CHMP4C: variants seen among roughly 807,000 people sequenced by gnomAD.
The protein encoded by CHMP4C is charged multivesicular body protein 4C.
Under a neutral mutation model 29.0 loss-of-function variants are expected in CHMP4C, and 28 were observed. The observed-to-expected ratio is 0.97, with a 90% CI of 0.72 to 1.32. The LOEUF (loss-of-function observed/expected upper bound fraction) is 1.32. Among genes scored for constraint, CHMP4C ranks in the 40% most tolerant of loss-of-function variants. The pLI, the probability that CHMP4C is intolerant of heterozygous loss-of-function variation, is 0.00. For missense variants in CHMP4C, 291 were observed against 281.0 expected (o/e 1.04, Z -0.25); for synonymous variants, 106 against 102.4 (o/e 1.04, Z -0.21).
In CHMP4C at chr8:81,753,650, A is replaced by T. The variant is rs181636808; in HGVS notation, c.368+409A>T. On this transcript the variant is annotated intron_variant, in intron 2 of 4. Coordinates refer to ENST00000297265, the MANE Select transcript of CHMP4C (RefSeq NM_152284.4). ...AGATGCCCAGGCTACTTGAACTTGCAAAGTGTTTGGGTCCATGTGATTCCG... is the reference window on the plus strand; with the variant it reads ...AGATGCCCAGGCTACTTGAACTTGCTAAGTGTTTGGGTCCATGTGATTCCG... Among the ~76,000 whole-genome samples the T allele has an allele frequency of 6.6e-5, 10 of 152,244 alleles. No homozygotes were observed. The East Asian group carries it at 1.9e-3, about 29-fold the overall frequency.
At chr8:81,740,780 A>G (rs1434910700) in intron 1 of CHMP4C, among the ~76,000 whole-genome samples, 2 of 152,184 alleles carry the variant, frequency 1.3e-5, no homozygotes, top group Middle Eastern at 3.2e-3. Context: ...TACCTTCATC[A>G]GATTCTCTGG....
chr8:81,755,379 C>T lies in CHMP4C; in HGVS notation c.378C>T (p.Asn126=), dbSNP rs1015669530. 1.3e-6 allele frequency: 2 copies of T among 1,597,864 alleles called. No individual in the cohort carries two copies. Among genetic ancestry groups the T allele is most frequent in the Admixed American group, 1.7e-5 (1 of 59,484 alleles). The change falls in exon 3 of 5, where the codon AAC becomes AAT. Residue 126 remains asparagine, a synonymous_variant. Transcript: ENST00000297265. The part of the protein sequence containing the change: ...MKSVHENMDL[N]KIDDLMQEIT... ...AAATATGATTTCCCAGGGATCTGAA[C>T]AAAATAGATGATTTGATGCAAGAGA...
intron 2 of CHMP4C, among the ~76,000 whole-genome samples, chr8:81,754,236 G>A (rs927015165): frequency 2.0e-5 from 3 of 151,984 alleles, no homozygotes; most frequent in Admixed American, 6.6e-5. Flanking sequence ...TATTGCTTTT[G>A]GATACAAAAA....
chr8:81,748,892 A>C (rs1050248722), intron 1 of CHMP4C, among the ~76,000 whole-genome samples: 1 of 145,908 alleles, frequency 6.9e-6, no homozygotes, highest in Non-Finnish European at 1.5e-5. Flanking sequence ...GCGCCACTGC[A>C]CTCCAGCCTG....
chr8:81,745,570 C>T lies in CHMP4C; in HGVS notation c.191-7494C>T, dbSNP rs896946928. Among the ~76,000 whole-genome samples the T allele has an allele frequency of 3.3e-5, 5 of 152,210 alleles. No individual in the cohort carries two copies. The East Asian group carries it at 5.8e-4, about 18-fold the overall frequency. ...TTTGGCATAAATGACTGAAAGCCTT[C>T]GTCCCTTGGCAGCATAGTGGAGTTG... On this transcript the variant is annotated intron_variant, in intron 1 of 4. Transcript: ENST00000297265.
intron 1 of CHMP4C, among the ~76,000 whole-genome samples, chr8:81,742,816 C>G (rs1299939753): frequency 6.6e-6 from 1 of 152,110 alleles, no homozygotes; most frequent in African/African-American, 2.4e-5. Flanking sequence ...TTATGGTCAA[C>G]TAATTTGCAA....
At chr8:81,757,385 T>C (rs1222176463) in intron 3 of CHMP4C, among the ~76,000 whole-genome samples, 2 of 152,216 alleles carry the variant, frequency 1.3e-5, no homozygotes, top group African/African-American at 2.4e-5. Context: ...ACAAGTTCAG[T>C]TGTGACTCCC....
At chr8:81,750,854 C>T (rs1056077030) in intron 1 of CHMP4C, among the ~76,000 whole-genome samples, 3 of 151,538 alleles carry the variant, frequency 2.0e-5, no homozygotes, top group Non-Finnish European at 2.9e-5. Flanking sequence ...AAATACTCAC[C>T]GAATGCTCAG....
intron 1 of CHMP4C, among the ~76,000 whole-genome samples, chr8:81,737,111 T>C (rs944945754): frequency 6.6e-6 from 1 of 152,246 alleles, no homozygotes; most frequent in Non-Finnish European, 1.5e-5. Flanking sequence ...TACTATGCTA[T>C]AACTCTTGCT....
chr8:81,743,793 A>G (rs370929735), intron 1 of CHMP4C, among the ~76,000 whole-genome samples: 74 of 152,296 alleles, frequency 4.9e-4, no homozygotes, highest in Non-Finnish European at 9.4e-4. Context: ...AACAACCTCA[A>G]GCTCTTTAGA....
intron 1 of CHMP4C, among the ~76,000 whole-genome samples, chr8:81,740,440 G>A (rs1808749278): frequency 6.6e-6 from 1 of 152,240 alleles, no homozygotes. Flanking sequence ...GATATGACAG[G>A]AGATGGCGCT....
chr8:81,733,011 G>A (rs549907427), intron 1 of CHMP4C, 195 bp downstream of exon 1: 6 of 428,304 alleles, frequency 1.4e-5, no homozygotes, highest in Admixed American at 4.0e-5. Context: ...CAAAATGTAA[G>A]GGGCCGCCAA....
At chr8:81,738,195 T>G (rs1446015545) in intron 1 of CHMP4C, among the ~76,000 whole-genome samples, 1 of 152,184 alleles carries the variant, frequency 6.6e-6, no homozygotes, top group African/African-American at 2.4e-5. Context: ...TATGTAAATA[T>G]GTGAAAATGA....
chr8:81,750,300 G>T (rs1258781371), intron 1 of CHMP4C, among the ~76,000 whole-genome samples: 1 of 152,006 alleles, frequency 6.6e-6, no homozygotes, highest in Non-Finnish European at 1.5e-5. Flanking sequence ...CCAGAACATA[G>T]ATCAAAAAGA....
intron 1 of CHMP4C, among the ~76,000 whole-genome samples, chr8:81,751,375 AT>A (rs1808901090): frequency 6.6e-6 from 1 of 152,130 alleles, no homozygotes; most frequent in Non-Finnish European, 1.5e-5. Flanking sequence ...GGAAAGTATA[AT>A]AAAAAAACTC....
At chr8:81,748,389 G>A (rs1808856892) in intron 1 of CHMP4C, among the ~76,000 whole-genome samples, 2 of 152,186 alleles carry the variant, frequency 1.3e-5, no homozygotes, top group Non-Finnish European at 2.9e-5. Context: ...GAAATCACAA[G>A]GGTATTGATT....
At chr8:81,738,159 A>G (rs1261267558) in intron 1 of CHMP4C, among the ~76,000 whole-genome samples, 8 of 152,178 alleles carry the variant, frequency 5.3e-5, no homozygotes, top group Non-Finnish European at 1.2e-4. Context: ...TGCTTGCCAT[A>G]TCCCAGGCTT....
At chr8:81,741,971 C>T (rs1808767541) in intron 1 of CHMP4C, among the ~76,000 whole-genome samples, 1 of 152,138 alleles carries the variant, frequency 6.6e-6, no homozygotes, top group South Asian at 2.1e-4. Context: ...GAATAATTGA[C>T]TTTTCCTGTA....
At chr8:81,746,499 A>T (rs1377372269) in intron 1 of CHMP4C, among the ~76,000 whole-genome samples, 1 of 152,146 alleles carries the variant, frequency 6.6e-6, no homozygotes, top group Non-Finnish European at 1.5e-5. Flanking sequence ...CCATTGCACT[A>T]GTTTTTATTT....
Sources: allele counts gnomAD v4.1 joint callset (sites outside exome capture counted in the v4.1 genomes callset), GRCh38; gene constraint gnomAD v4.1.1; transcripts MANE v1.5; gene names NCBI Gene and HGNC (gene_info 2026-07-23, HGNC 2026-07-21).